The following SDHAF3 variants were observed in gnomAD, a reference collection of about 807,000 sequenced individuals.
SDHAF3 encodes the protein succinate dehydrogenase assembly factor 3, mitochondrial.
A neutral mutation model predicts 11.5 loss-of-function variants in SDHAF3; 18 were observed. The ratio of observed to expected loss-of-function variants is 1.56; its 90% CI spans 1.08 to 2.32. The LOEUF (loss-of-function observed/expected upper bound fraction) is 2.32. SDHAF3 is among the 30% of genes most tolerant of loss of function. The pLI is 0.00. For missense variants in SDHAF3, 200 were observed against 154.4 expected, an observed-to-expected ratio of 1.30 and a Z score of -1.57; for synonymous variants, 72 against 59.3, an observed-to-expected ratio of 1.21 and a Z score of -0.99.
At chr7:97,166,019 G>C (rs1276634319) in intron 1 of SDHAF3, among the ~76,000 whole-genome samples, 1 of 152,156 alleles carries the variant, frequency 6.6e-6, no homozygotes. Context: ...CAGGGGTACA[G>C]GTGTCCTCAA....
chr7:97,164,382 C>CTTT (rs200122758), intron 1 of SDHAF3, among the ~76,000 whole-genome samples: 16 of 128,508 alleles, frequency 1.2e-4, no homozygotes, highest in South Asian at 7.6e-4. Context: ...GTTCATAGTT[C>CTTT]TTTTTTTTTT....
chr7:97,121,659 A>G (rs1268647785), intron 1 of SDHAF3, among the ~76,000 whole-genome samples: 1 of 152,196 alleles, frequency 6.6e-6, no homozygotes, highest in Non-Finnish European at 1.5e-5. Flanking sequence ...CAATTGTAAT[A>G]TAGTATGAAA....
chr7:97,126,848 A>G (rs1321391686), intron 1 of SDHAF3, among the ~76,000 whole-genome samples: 1 of 151,312 alleles, frequency 6.6e-6, no homozygotes, highest in Non-Finnish European at 1.5e-5. Context: ...GAGTACCGAA[A>G]AAAAAAAAAA....
At chr7:97,143,547 A>G (rs1285159368) in intron 1 of SDHAF3, among the ~76,000 whole-genome samples, 1 of 152,172 alleles carries the variant, frequency 6.6e-6, no homozygotes, top group Non-Finnish European at 1.5e-5. Context: ...CAGTGAGAAC[A>G]TACAATATTT....
intron 1 of SDHAF3, among the ~76,000 whole-genome samples, chr7:97,153,874 T>A (rs1789262672): frequency 6.6e-6 from 1 of 152,184 alleles, no homozygotes. Flanking sequence ...GTTGGCTGTT[T>A]TAATTAAGGT....
intron 1 of SDHAF3, among the ~76,000 whole-genome samples, chr7:97,166,183 TTAG>T (rs746263544): frequency 2.6e-5 from 4 of 152,172 alleles, no homozygotes. Context: ...ACCAATTAAC[TTAG>T]TAGTTTTTTG....
intron 1 of SDHAF3, among the ~76,000 whole-genome samples, chr7:97,146,498 A>T (rs1789137164): frequency 6.6e-6 from 1 of 152,210 alleles, no homozygotes; most frequent in African/African-American, 2.4e-5. Context: ...AGAACATAAA[A>T]TAATTGTTCT....
Position 97,142,042 on chromosome 7 carries a change from C to CTTTTT in SDHAF3, c.174+24170_174+24174dup, listed in dbSNP as rs71131003. On this transcript the variant is annotated intron_variant, in intron 1 of 1. Coordinates refer to ENST00000432641, the MANE Select transcript of SDHAF3 (RefSeq NM_020186.3). ...AGCAATGAAATGTGTGAATTGTTGT[C>CTTTTT]TTTTTTTTTTTTTTTTTTTTTTTTT... Among the ~76,000 whole-genome samples, 57 of 61,692 alleles carry CTTTTT rather than the reference C, an allele frequency of 9.2e-4. 6 individuals carry two copies. The highest frequency in any genetic ancestry group is 1.4e-3 in the Admixed American group (6 of 4,234). The allele number at this position is 61,692 out of a possible 152,430, so 40.5% of individuals were successfully genotyped here. A position where few individuals can be genotyped will look rare whatever the true frequency, so the allele number is the denominator to read the frequency against.
At chr7:97,170,506 C>T (rs1166696656) in intron 1 of SDHAF3, among the ~76,000 whole-genome samples, 1 of 152,116 alleles carries the variant, frequency 6.6e-6, no homozygotes, top group African/African-American at 2.4e-5. Flanking sequence ...TCTGTGCTGA[C>T]TTCTCATTTC....
At chr7:97,174,228 TAAGA>T (rs1245489439) in intron 1 of SDHAF3, among the ~76,000 whole-genome samples, 1 of 152,186 alleles carries the variant, frequency 6.6e-6, no homozygotes, top group Admixed American at 6.5e-5. Flanking sequence ...TTTGTTCAAA[TAAGA>T]AAGTATTATA....
At chr7:97,135,911 T>C (rs1192754244) in intron 1 of SDHAF3, among the ~76,000 whole-genome samples, 1 of 151,490 alleles carries the variant, frequency 6.6e-6, no homozygotes, top group East Asian at 1.9e-4. Flanking sequence ...ATGGTCTCGA[T>C]CTCCTGACCT....
chr7:97,154,210 AG>A (rs1789269981), intron 1 of SDHAF3, among the ~76,000 whole-genome samples: 1 of 146,204 alleles, frequency 6.8e-6, no homozygotes. Flanking sequence ...AGGGTGGGGG[AG>A]ATTACAAAGT....
At chr7:97,180,237 C>T (rs1343047719) in intron 1 of SDHAF3, among the ~76,000 whole-genome samples, 2 of 152,116 alleles carry the variant, frequency 1.3e-5, no homozygotes, top group Admixed American at 1.3e-4. Context: ...TAATTGAAGA[C>T]ATAGGAATGA....
intron 1 of SDHAF3, among the ~76,000 whole-genome samples, chr7:97,155,607 G>C (rs915054072): frequency 6.6e-6 from 1 of 152,096 alleles, no homozygotes; most frequent in Non-Finnish European, 1.5e-5. Context: ...CTTATTACTT[G>C]TTTGCTTTCC....
chr7:97,168,502 T>G (rs1045016736), intron 1 of SDHAF3, among the ~76,000 whole-genome samples: 1 of 152,210 alleles, frequency 6.6e-6, no homozygotes, highest in Non-Finnish European at 1.5e-5. Flanking sequence ...AAGGATACCT[T>G]GGACATGAGA....
At chr7:97,168,231 G>C (rs1174972684) in intron 1 of SDHAF3, among the ~76,000 whole-genome samples, 1 of 152,154 alleles carries the variant, frequency 6.6e-6, no homozygotes, top group East Asian at 1.9e-4. Context: ...ACTAAGCTTA[G>C]AGCAAAAAAT....
intron 1 of SDHAF3, among the ~76,000 whole-genome samples, chr7:97,120,174 G>A (rs1013478515): frequency 6.6e-6 from 1 of 152,046 alleles, no homozygotes; most frequent in African/African-American, 2.4e-5. Context: ...TAGTTGACAC[G>A]CGTCTGTAGA....
At chr7:97,139,508 GATCA>G (rs1381620295) in intron 1 of SDHAF3, among the ~76,000 whole-genome samples, 1 of 152,220 alleles carries the variant, frequency 6.6e-6, no homozygotes, top group Non-Finnish European at 1.5e-5. Flanking sequence ...GAAGGGTGAG[GATCA>G]ATCAGAGGAA....
chr7:97,159,750 C>T (rs1244029583), intron 1 of SDHAF3, among the ~76,000 whole-genome samples: 2 of 152,138 alleles, frequency 1.3e-5, no homozygotes, highest in South Asian at 2.1e-4. Context: ...TAAAAAGCCA[C>T]GAAACTGTCC....
Sources: gnomAD v4.1 joint callset for allele counts (sites outside exome capture counted in the v4.1 genomes callset) on GRCh38, gnomAD v4.1.1 for gene constraint, MANE v1.5 for transcripts, NCBI Gene and HGNC (gene_info 2026-07-23, HGNC 2026-07-21) for gene names.